The following CDH9 variants were observed in gnomAD, a reference collection of about 807,000 sequenced individuals.
The protein encoded by CDH9 is cadherin-9.
Under a neutral mutation model 70.9 loss-of-function variants are expected in CDH9, and 28 were observed. That is an observed-to-expected ratio of 0.40 (90% CI 0.29 to 0.54). The LOEUF (loss-of-function observed/expected upper bound fraction) is 0.54. CDH9 is among the 20% of genes least tolerant of loss of function. CDH9 has a pLI of 0.59. For synonymous variants in CDH9, 409 were observed against 343.1 expected (o/e 1.19, Z -2.12); for missense variants, 874 against 984.4 (o/e 0.89, Z 1.50).
At chr5:26,935,812 T>C in intron 2 of CDH9, among the ~76,000 whole-genome samples, 1 of 152,232 alleles carries the variant, frequency 6.6e-6, no homozygotes, top group East Asian at 1.9e-4. Context: ...CATGCATGTT[T>C]ATAGCAGCAC....
intron 1 of CDH9, among the ~76,000 whole-genome samples, chr5:27,010,786 T>C (rs1292367979): frequency 2.0e-5 from 3 of 152,156 alleles, no homozygotes; most frequent in Non-Finnish European, 1.5e-5. Flanking sequence ...CTGGTAGATA[T>C]ATGTGCACCA....
chr5:26,952,777 G>A (rs1741874542), intron 2 of CDH9, among the ~76,000 whole-genome samples: 1 of 150,678 alleles, frequency 6.6e-6, no homozygotes, highest in African/African-American at 2.5e-5. Flanking sequence ...ATGGACAAAT[G>A]GTGTATCATG....
At chr5:27,002,259 G>A (rs1210998140) in intron 1 of CDH9, among the ~76,000 whole-genome samples, 5 of 152,264 alleles carry the variant, frequency 3.3e-5, no homozygotes, top group Admixed American at 2.6e-4. Context: ...ATCATTAAAT[G>A]TCAGGAAACA....
intron 2 of CDH9, among the ~76,000 whole-genome samples, chr5:26,969,921 T>C (rs1417177650): frequency 6.9e-6 from 1 of 143,960 alleles, no homozygotes; most frequent in Non-Finnish European, 1.5e-5. Context: ...TATGTACAAA[T>C]ATATATATAT....
chr5:26,899,194 A>C (rs1281578800), intron 7 of CDH9, among the ~76,000 whole-genome samples: 1 of 145,490 alleles, frequency 6.9e-6, no homozygotes, highest in Non-Finnish European at 1.5e-5. Context: ...GTATGTGGAG[A>C]AATAGGAACA....
chr5:26,916,882 A>G (rs1203797551), intron 2 of CDH9, among the ~76,000 whole-genome samples: 1 of 151,988 alleles, frequency 6.6e-6, no homozygotes, highest in East Asian at 1.9e-4. Flanking sequence ...TTCAAGTAAT[A>G]TAAAACTCAC....
rs1271557086 is a variant in CDH9 at position 26,881,134 on chromosome 5, TC to T, written c.*1del. 2 of 1,597,152 alleles carry T rather than the reference TC, an allele frequency of 1.3e-6. No individual in the cohort carries two copies. Among genetic ancestry groups the T allele is most frequent in the Admixed American group, 3.4e-5 (2 of 58,078 alleles). On this transcript the variant is annotated 3_prime_UTR_variant, in exon 12 of 12. Coordinates refer to ENST00000231021, the MANE Select transcript of CDH9 (RefSeq NM_016279.4). ...TAATATTGATTAAGTCAAACAATCCTCTTAGTCTCGGTCACTATCATCACCC... is the reference window on the plus strand; with the variant it reads ...TAATATTGATTAAGTCAAACAATCCTTTAGTCTCGGTCACTATCATCACCC...
intron 1 of CDH9, among the ~76,000 whole-genome samples, chr5:27,015,086 C>T (rs1481045269): frequency 1.3e-5 from 2 of 151,804 alleles, no homozygotes; most frequent in African/African-American, 4.8e-5. Context: ...ACATATTTCA[C>T]GTAAGTAGAT....
chr5:27,033,698 A>G (rs1743346916), intron 1 of CDH9, among the ~76,000 whole-genome samples: 1 of 151,544 alleles, frequency 6.6e-6, no homozygotes, highest in Admixed American at 6.6e-5. Flanking sequence ...CATTTATAAC[A>G]TATATATGGG....
chr5:26,912,556 G>A (rs984468242), intron 3 of CDH9, among the ~76,000 whole-genome samples: 5 of 151,032 alleles, frequency 3.3e-5, no homozygotes, highest in African/African-American at 1.2e-4. Flanking sequence ...AAATGCAGGG[G>A]TTTTATCCCC....
chr5:26,973,759 A>T (rs1353171320), intron 2 of CDH9, among the ~76,000 whole-genome samples: 2 of 152,166 alleles, frequency 1.3e-5, no homozygotes, highest in Non-Finnish European at 2.9e-5. Context: ...TATGATGAAC[A>T]CATTTAAGGT....
At chr5:26,975,268 G>T (rs1434972858) in intron 2 of CDH9, among the ~76,000 whole-genome samples, 2 of 152,110 alleles carry the variant, frequency 1.3e-5, no homozygotes, top group Non-Finnish European at 2.9e-5. Context: ...TACCGCCAAA[G>T]CAGATTCCAA....
intron 3 of CDH9, among the ~76,000 whole-genome samples, chr5:26,909,824 G>A (rs1257645835): frequency 6.6e-6 from 1 of 151,698 alleles, no homozygotes; most frequent in African/African-American, 2.4e-5. Context: ...AGACTCAAAG[G>A]CTAATTCTAT....
At chr5:26,968,436 T>C (rs1742164531) in intron 2 of CDH9, among the ~76,000 whole-genome samples, 1 of 151,848 alleles carries the variant, frequency 6.6e-6, no homozygotes, top group Non-Finnish European at 1.5e-5. Flanking sequence ...TAGGAGCGCA[T>C]CACCACACCC....
At chr5:26,960,276 A>G (rs1367924280) in intron 2 of CDH9, among the ~76,000 whole-genome samples, 1 of 152,038 alleles carries the variant, frequency 6.6e-6, no homozygotes, top group African/African-American at 2.4e-5. Flanking sequence ...ATTATTTTTA[A>G]ACTTCAATTC....
chr5:26,973,346 C>T (rs1259684224), intron 2 of CDH9, among the ~76,000 whole-genome samples: 3 of 152,110 alleles, frequency 2.0e-5, no homozygotes, highest in Non-Finnish European at 2.9e-5. Flanking sequence ...TCTGTTTAGC[C>T]TCTGGAAGGT....
At chr5:26,903,602 C>T in intron 6 of CDH9, 35 bp downstream of exon 6, 3 of 1,346,330 alleles carry the variant, frequency 2.2e-6, no homozygotes, top group Non-Finnish European at 3.2e-6. Context: ...AATTATAAAG[C>T]ACTCAATGAA....
At chr5:27,026,503 T>C (rs550688413) in intron 1 of CDH9, among the ~76,000 whole-genome samples, 131 of 152,064 alleles carry the variant, frequency 8.6e-4, no homozygotes, top group African/African-American at 3.1e-3. Context: ...CACTCTCCAT[T>C]ATACCACCTG....
At chr5:26,974,344 T>C (rs903095643) in intron 2 of CDH9, among the ~76,000 whole-genome samples, 4 of 115,328 alleles carry the variant, frequency 3.5e-5, no homozygotes, top group Non-Finnish European at 8.2e-5. Flanking sequence ...ACATGATAGG[T>C]GCTTTTTTTT....
Sources: gnomAD v4.1 joint callset for allele counts (sites outside exome capture counted in the v4.1 genomes callset) on GRCh38, gnomAD v4.1.1 for gene constraint, MANE v1.5 for transcripts, NCBI Gene and HGNC (gene_info 2026-07-23, HGNC 2026-07-21) for gene names.